Variants in ZBTB8B observed in about 807,000 individuals in gnomAD.
ZBTB8B encodes zinc finger and BTB domain-containing protein 8B.
In ZBTB8B, 17 loss-of-function variants were observed where a neutral mutation model predicts 30.3. The observed-to-expected ratio is 0.56, with a 90% CI of 0.38 to 0.84. ZBTB8B has a LOEUF of 0.84. Ranked by LOEUF, ZBTB8B falls within the 40% of genes least tolerant of loss-of-function variation. ZBTB8B has a pLI of 0.00. For missense variants in ZBTB8B, 515 were observed against 644.9 expected (o/e 0.80, Z 2.18); for synonymous variants, 248 against 255.6 (o/e 0.97, Z 0.28).
rs762700561 is a variant in ZBTB8B, at chr1:32,490,554, T to C, written c.*5136T>C. ...GGGTCAGAGTAGTTTGGTTGGTTCCTAAACATGTCCTAGTTTTTGTTGTTG... is the reference window on the plus strand; with the variant it reads ...GGGTCAGAGTAGTTTGGTTGGTTCCCAAACATGTCCTAGTTTTTGTTGTTG... On this transcript the variant is annotated 3_prime_UTR_variant, in exon 4 of 4. Coordinates refer to ENST00000609129, the MANE Select transcript of ZBTB8B (RefSeq NM_001145720.2). 6.6e-6 allele frequency: 1 copy of C among 152,256 alleles called. No homozygotes were observed. Among genetic ancestry groups the C allele is most frequent in the Non-Finnish European group, 1.5e-5 (1 of 68,048 alleles). The allele number at this position is 152,256 out of a possible 1,614,324, so 9.4% of individuals were successfully genotyped here.
Position 32,470,732 on chromosome 1 carries a change from G to T in ZBTB8B, c.108G>T (p.Lys36Asn). ...TCATTGTGGAAGGGCGGATCTTCAA[G>T]GCCCACAGGAACATTTTGTTTGCTA... Reference protein sequence around the residue: ...CSIIVEGRIFKAHRNILFANS... With the variant: ...CSIIVEGRIFNAHRNILFANS... The change falls in exon 2 of 4, where the codon AAG (lysine) becomes AAT (asparagine). Residue 36 changes from lysine (K) to asparagine (N), a missense_variant. Around this residue, in one of 3 missense-constraint regions of ZBTB8B, gnomAD observed 61 missense variants for 117.7 expected, o/e 0.52. Coordinates refer to ENST00000609129, the MANE Select transcript of ZBTB8B (RefSeq NM_001145720.2). 6.4e-7 allele frequency: 1 copy of T among 1,551,794 alleles called. No individual in the cohort carries two copies. Among genetic ancestry groups the T allele is most frequent in the African/African-American group, 1.4e-5 (1 of 73,158 alleles).
intron 1 of ZBTB8B, among the ~76,000 whole-genome samples, chr1:32,469,478 C>T (rs563849811): frequency 6.6e-6 from 1 of 152,238 alleles, no homozygotes; most frequent in East Asian, 1.9e-4. Flanking sequence ...CGGTCTCAAA[C>T]TCCAGACCTC....
chr1:32,485,053 A>G, intron 3 of ZBTB8B, 48 bp from the exon 4 acceptor site: 1 of 1,529,954 alleles, frequency 6.5e-7, no homozygotes, highest in Non-Finnish European at 8.8e-7. Flanking sequence ...TGTGGAAAAC[A>G]CTCATCTCCT....
rs1643790299 is a variant in ZBTB8B, at chr1:32,493,103, G to C, written c.*7685G>C. On this transcript the variant is annotated 3_prime_UTR_variant, in exon 4 of 4. Coordinates refer to ENST00000609129, the MANE Select transcript of ZBTB8B (RefSeq NM_001145720.2). ...TATGCAAAAATATATACTATACATA[G>C]AATATCAGAATGTTGTAGTCTTTAG... 1 of 152,018 alleles carries C rather than the reference G, an allele frequency of 6.6e-6. No homozygotes were observed. The highest frequency in any genetic ancestry group is 2.4e-5 in the African/African-American group (1 of 41,394). 9.4% of individuals were successfully genotyped at this position (152,018 alleles called of 1,614,324 possible).
At chr1:32,483,812 C>G (rs1281501829) in intron 3 of ZBTB8B, among the ~76,000 whole-genome samples, 1 of 151,978 alleles carries the variant, frequency 6.6e-6, no homozygotes, top group African/African-American at 2.4e-5. Context: ...CACCTATATT[C>G]CCAGCTACTT....
Position 32,496,315 on chromosome 1 carries a change from T to TCTACGTGC in ZBTB8B, c.*10899_*10906dup, listed in dbSNP as rs1387434375. On this transcript the variant is annotated 3_prime_UTR_variant, in exon 4 of 4. Transcript: ENST00000609129. ...CAAAAATCACAGGAAGTGCAGCCATTCTACGTGCCGAGCTCTACAGTTACA... is the reference window on the plus strand; with the variant it reads ...CAAAAATCACAGGAAGTGCAGCCATTCTACGTGCCTACGTGCCGAGCTCTACAGTTACA... The TCTACGTGC allele has an allele frequency of 6.6e-6, 1 of 152,196 alleles. No homozygotes were observed. The highest frequency in any genetic ancestry group is 2.4e-5 in the African/African-American group (1 of 41,446). The allele number at this position is 152,196 out of a possible 1,614,324, so 9.4% of individuals were successfully genotyped here. A position where few individuals can be genotyped will look rare whatever the true frequency, so the allele number is the denominator to read the frequency against.
At chr1:32,469,246 A>AT (rs541160413) in intron 1 of ZBTB8B, among the ~76,000 whole-genome samples, 8,342 of 117,296 alleles carry the variant, frequency 0.071, 464 homozygotes, top group Non-Finnish European at 0.085. Context: ...CTCAAGTATA[A>AT]TTTTTTTTTT....
rs1485950178 is a variant in ZBTB8B at position 32,495,299 on chromosome 1, C to A, written c.*9881C>A. 1 of 151,980 alleles carries A rather than the reference C, an allele frequency of 6.6e-6. No individual in the cohort carries two copies. Among genetic ancestry groups the A allele is most frequent in the Non-Finnish European group, 1.5e-5 (1 of 68,004 alleles). 9.4% of individuals were successfully genotyped at this position (151,980 alleles called of 1,614,324 possible). A position where few individuals can be genotyped will look rare whatever the true frequency, so the allele number is the denominator to read the frequency against. The stretch of plus-strand genomic sequence containing the variant: ...AAAGCTAGTTTTATTTAAAGGGCTG[C>A]AATTATATATAAGAATTATTAGAAA... On this transcript the variant is annotated 3_prime_UTR_variant, in exon 4 of 4. Coordinates refer to ENST00000609129, the MANE Select transcript of ZBTB8B (RefSeq NM_001145720.2).
At chr1:32,467,218 A>G (rs1252221081) in intron 1 of ZBTB8B, among the ~76,000 whole-genome samples, 1 of 151,982 alleles carries the variant, frequency 6.6e-6, no homozygotes, top group Admixed American at 6.6e-5. Flanking sequence ...TTTAAAATGA[A>G]AGGCGAAAGT....
rs145967702 is a variant in ZBTB8B at position 32,484,638 on chromosome 1, T to C, written c.1171-463T>C. On this transcript the variant is annotated intron_variant, in intron 3 of 3. Coordinates refer to ENST00000609129, the MANE Select transcript of ZBTB8B (RefSeq NM_001145720.2). The surrounding 1 kb of genome is among the most constrained non-coding windows in gnomAD (Gnocchi z 4.5). ...GGCCTGGTGGGAGGTGGTTGCATCA[T>C]GGGGGCAGTTTCTCATGGTTTAACG... Among the ~76,000 whole-genome samples, 635 of 152,226 alleles carry C rather than the reference T, an allele frequency of 4.2e-3. 2 individuals are homozygous for C. Among genetic ancestry groups the C allele is most frequent in the African/African-American group, 0.015 (605 of 41,542 alleles).
chr1:32,465,402 G>A lies in ZBTB8B; in HGVS notation c.-42+297G>A, dbSNP rs1216810982. 6.6e-6 allele frequency among the ~76,000 whole-genome samples: 1 copy of A among 152,248 alleles called. No individual in the cohort carries two copies. The highest frequency in any genetic ancestry group is 1.5e-5 in the Non-Finnish European group (1 of 68,046). ...CTTCCACGGTGAATGGTGCCCAGGC[G>A]TGGGGGGCTCGGCCACACTGGAGAA... On this transcript the variant is annotated intron_variant, in intron 1 of 3. Coordinates refer to ENST00000609129, the MANE Select transcript of ZBTB8B (RefSeq NM_001145720.2). The surrounding 1 kb of genome is among the most constrained non-coding windows in gnomAD (Gnocchi z 4.1).
At chr1:32,473,881 C>T (rs1254992402) in intron 2 of ZBTB8B, among the ~76,000 whole-genome samples, 3 of 150,966 alleles carry the variant, frequency 2.0e-5, no homozygotes, top group Non-Finnish European at 4.4e-5. Flanking sequence ...GGCAGAGTCT[C>T]ACTCTGTTGC....
rs1381355388 is a variant in ZBTB8B, at chr1:32,495,899, T to G, written c.*10481T>G. 1 of 152,144 alleles carries G rather than the reference T, an allele frequency of 6.6e-6. No homozygotes were observed. The highest frequency in any genetic ancestry group is 1.5e-5 in the Non-Finnish European group (1 of 68,034). The allele number at this position is 152,144 out of a possible 1,614,324, so 9.4% of individuals were successfully genotyped here. A position where few individuals can be genotyped will look rare whatever the true frequency, so the allele number is the denominator to read the frequency against. Reference sequence around the variant, plus strand: ...CCTGTCTCAAAAAAAAAGGTTTTTTTTTAATTGAATGAATGCAATAAGGAA... The same window carrying G: ...CCTGTCTCAAAAAAAAAGGTTTTTTGTTAATTGAATGAATGCAATAAGGAA... On this transcript the variant is annotated 3_prime_UTR_variant, in exon 4 of 4. Coordinates refer to ENST00000609129, the MANE Select transcript of ZBTB8B (RefSeq NM_001145720.2).
At position 32,485,035 on chromosome 1, in the gene ZBTB8B, C is replaced by T. The variant is rs12023137; in HGVS notation, c.1171-66C>T. 4.0e-3 allele frequency: 5,968 copies of T among 1,481,406 alleles called. 76 individuals carry two copies. The highest frequency in any genetic ancestry group is 0.038 in the East Asian group (1,550 of 40,410). The allele number at this position is 1,481,406 out of a possible 1,614,324, so 91.8% of individuals were successfully genotyped here. A position where few individuals can be genotyped will look rare whatever the true frequency, so the allele number is the denominator to read the frequency against. On this transcript the variant is annotated intron_variant, in intron 3 of 3. Transcript: ENST00000609129. ...AGGATCAGGCAGGGGCCAGATCACA[C>T]GGGGCCTTGTGGAAAACACTCATCT...
Position 32,489,739 on chromosome 1 carries a change from T to C in ZBTB8B, c.*4321T>C, listed in dbSNP as rs1180853197. On this transcript the variant is annotated 3_prime_UTR_variant, in exon 4 of 4. Coordinates refer to ENST00000609129, the MANE Select transcript of ZBTB8B (RefSeq NM_001145720.2). ...GTAATGGAATTCCAAAATGGCATTC[T>C]TGGGAAGTTATTTCTCTTGGGGGAT... 6.6e-6 allele frequency: 1 copy of C among 152,230 alleles called. No individual in the cohort carries two copies. Among genetic ancestry groups the C allele is most frequent in the African/African-American group, 2.4e-5 (1 of 41,458 alleles). 9.4% of individuals were successfully genotyped at this position (152,230 alleles called of 1,614,324 possible). A position where few individuals can be genotyped will look rare whatever the true frequency, so the allele number is the denominator to read the frequency against.
rs1451807812 is a variant in ZBTB8B, at chr1:32,471,071, A to AGCAGCGGCG, written c.450_458dup (p.Ala151_Ala153dup). ...CAGCGGCGGCGGCTGCAGCGGCGGC[A>AGCAGCGGCG]GCAGCGGCGGCTCATCAGGTTGACA... On this transcript the variant is annotated inframe_insertion, in exon 2 of 4. Coordinates refer to ENST00000609129, the MANE Select transcript of ZBTB8B (RefSeq NM_001145720.2). 3.2e-6 allele frequency: 5 copies of AGCAGCGGCG among 1,543,852 alleles called. No homozygotes were observed. The African/African-American group carries it at 6.9e-5, about 21-fold the overall frequency.
At chr1:32,477,784 TG>T in intron 2 of ZBTB8B, among the ~76,000 whole-genome samples, 1 of 151,298 alleles carries the variant, frequency 6.6e-6, no homozygotes, top group African/African-American at 2.4e-5. Context: ...TGGCCGGGCA[TG>T]GTGGCTCACA....
intron 2 of ZBTB8B, among the ~76,000 whole-genome samples, chr1:32,479,165 G>GGTGATATGAT (rs1324771151): frequency 6.6e-6 from 1 of 151,166 alleles, no homozygotes; most frequent in African/African-American, 2.4e-5. Context: ...TGCCTTCATA[G>GGTGATATGAT]GTGATATGAT....
At position 32,470,848 on chromosome 1, in the gene ZBTB8B, CCTT is replaced by C; in HGVS notation, c.227_229del (p.Phe76del). 1.3e-6 allele frequency: 2 copies of C among 1,551,914 alleles called. No homozygotes were observed. Among genetic ancestry groups the C allele is most frequent in the Non-Finnish European group, 1.7e-6 (2 of 1,147,040 alleles). ...TCCTTGGACATTGTCACCTCTGATG[CCTT>C]CTCCATCATCTTAGATTTCCTCTAT... On this transcript the variant is annotated inframe_deletion, in exon 2 of 4. Transcript: ENST00000609129.
Sources: gnomAD v4.1 joint callset for allele counts (sites outside exome capture counted in the v4.1 genomes callset) on GRCh38, gnomAD v4.1.1 for gene constraint, gnomAD v4.1.1 regional missense constraint, Gnocchi (gnomAD v3.1) non-coding constraint, MANE v1.5 for transcripts, NCBI Gene and HGNC (gene_info 2026-07-23, HGNC 2026-07-21) for gene names.